The following USP6 variants were observed in gnomAD, a reference collection of about 807,000 sequenced individuals.
USP6 encodes the protein ubiquitin carboxyl-terminal hydrolase 6.
USP6 carries 128 observed loss-of-function variants against 175.7 expected under a neutral mutation model. That is an observed-to-expected ratio of 0.73 (90% confidence interval 0.63 to 0.84). The LOEUF (loss-of-function observed/expected upper bound fraction) is 0.84, where lower values mean the gene tolerates loss of function less well. Among genes scored for constraint, USP6 ranks in the 40% least tolerant of loss-of-function variants. The pLI, the probability that USP6 is intolerant of heterozygous loss-of-function variation, is 0.00. For synonymous variants in USP6, 562 were observed against 630.6 expected (o/e 0.89, Z 1.63); for missense variants, 1,498 against 1,760.3 (o/e 0.85, Z 2.67).
In USP6 at chr17:5,147,100, C is replaced by T. The variant is rs2073634261; in HGVS notation, c.2337C>T (p.Asn779=). The T allele has an allele frequency of 6.2e-7, 1 of 1,612,676 alleles. No individual in the cohort carries two copies. Among genetic ancestry groups the T allele is most frequent in the South Asian group, 1.1e-5 (1 of 90,712 alleles). The change falls in exon 29 of 38, where the codon AAC becomes AAT. Residue 779 remains asparagine (N), a synonymous_variant. Coordinates refer to ENST00000574788, the MANE Select transcript of USP6 (RefSeq NM_001304284.2). ...DSNIKNFPQD[N]QKVQLSVSGF... is the part of the protein sequence containing the mutation. ...TTCTGTAGAACTTTCCTCAGGATAA[C>T]CAAAAAGTACAACTCTCAGTGAGCG... is the stretch of plus-strand genomic sequence containing the variant.
At chr17:5,144,242 A>C (rs2073541684) in intron 25 of USP6, among the ~76,000 whole-genome samples, 1 of 151,942 alleles carries the variant, frequency 6.6e-6, no homozygotes, top group Non-Finnish European at 1.5e-5. Context: ...TAATATATAC[A>C]CATATTATTT....
chr17:5,140,653 G>C (rs1384549462), intron 22 of USP6, among the ~76,000 whole-genome samples: 1 of 152,146 alleles, frequency 6.6e-6, no homozygotes, highest in African/African-American at 2.4e-5. Context: ...AGGTTATTAA[G>C]GCTATAATTG....
chr17:5,126,146 T>G (rs550631144), intron 6 of USP6, among the ~76,000 whole-genome samples: 1 of 152,286 alleles, frequency 6.6e-6, no homozygotes, highest in Admixed American at 6.5e-5. Context: ...CGCAAGTGCC[T>G]TCTCCGTAGA....
chr17:5,127,493 C>T lies in USP6; in HGVS notation c.-473-11C>T, dbSNP rs1388670826. ...CGTGAACTTGTCTTGTTTCTTGTCT[C>T]TTCTTGCTAGGGCTGTCATTGGGAC... is the stretch of plus-strand genomic sequence containing the variant. On this transcript the variant is annotated splice_polypyrimidine_tract_variant and intron_variant, in intron 6 of 37. Transcript: ENST00000574788. 1 of 152,262 alleles carries T rather than the reference C, an allele frequency of 6.6e-6. No homozygotes were observed. Among genetic ancestry groups the T allele is most frequent in the Non-Finnish European group, 1.5e-5 (1 of 68,064 alleles). 9.4% of individuals were successfully genotyped at this position (152,262 alleles called of 1,614,324 possible).
chr17:5,138,003 C>T (rs774055215), intron 20 of USP6, 118 bp from the exon 21 acceptor site: 187 of 1,569,974 alleles, frequency 1.2e-4, no homozygotes, highest in Non-Finnish European at 1.5e-4. Flanking sequence ...CATCTGGATG[C>T]CTGGGGTGGC....
intron 20 of USP6, 71 bp downstream of exon 20, chr17:5,137,821 T>G: frequency 6.3e-7 from 1 of 1,596,456 alleles, no homozygotes; most frequent in East Asian, 2.3e-5. Context: ...AAGGGCAGCT[T>G]CCTCACACTG....
chr17:5,144,931 C>A lies in USP6; in HGVS notation c.1992+68C>A, dbSNP rs939702185. The A allele has an allele frequency of 5.4e-5, 81 of 1,495,472 alleles. No homozygotes were observed. In the African/African-American group the frequency reaches 1.0e-3, roughly 19 times the overall value. 92.6% of individuals were successfully genotyped at this position (1,495,472 alleles called of 1,614,324 possible). ...GTTCTGACCACAAATACATGTAGCACAACTTAAATGCAAACTAAACTATTC... is the reference window on the plus strand; with the variant it reads ...GTTCTGACCACAAATACATGTAGCAAAACTTAAATGCAAACTAAACTATTC... On this transcript the variant is annotated intron_variant, in intron 26 of 37. Coordinates refer to ENST00000574788, the MANE Select transcript of USP6 (RefSeq NM_001304284.2).
At chr17:5,139,710 G>A in intron 22 of USP6, 36 bp downstream of exon 22, 1 of 1,600,592 alleles carries the variant, frequency 6.2e-7, no homozygotes, top group Non-Finnish European at 8.5e-7. Context: ...GCCACAATGT[G>A]GGCATGGACT....
chr17:5,132,804 C>G lies in USP6; in HGVS notation c.196-106C>G, dbSNP rs559761173. The G allele has an allele frequency of 2.9e-6, 4 of 1,379,042 alleles. No homozygotes were observed. The highest frequency in any genetic ancestry group is 4.6e-5 in the East Asian group (2 of 43,680). 85.4% of individuals were successfully genotyped at this position (1,379,042 alleles called of 1,614,324 possible). On this transcript the variant is annotated intron_variant, in intron 12 of 37. Coordinates refer to ENST00000574788, the MANE Select transcript of USP6 (RefSeq NM_001304284.2). The surrounding 1 kb of genome is among the most constrained non-coding windows in gnomAD (Gnocchi z 4.7). ...CTTAGGGTCTGCCCTTCCCTGGCTC[C>G]TTCCAGTTGGGTCCCACCAGGGCTC...
chr17:5,167,048 CAG>C (rs2074109947), intron 33 of USP6, among the ~76,000 whole-genome samples: 1 of 152,208 alleles, frequency 6.6e-6, no homozygotes. Context: ...AGGGAGGAGA[CAG>C]ATAATTATAG....
Position 5,143,754 on chromosome 17 carries a change from A to C in USP6, c.1819-936A>C, listed in dbSNP as rs1462283709. ...AGAAACACCCAAGAATGATCAATAA[A>C]AAAAAAAAAAAAAAATTTGGTAGGC... On this transcript the variant is annotated intron_variant, in intron 25 of 37. Coordinates refer to ENST00000574788, the MANE Select transcript of USP6 (RefSeq NM_001304284.2). 2.6e-5 allele frequency among the ~76,000 whole-genome samples: 4 copies of C among 151,330 alleles called. No individual in the cohort carries two copies. In the South Asian group the frequency reaches 8.4e-4, roughly 32 times the overall value.
chr17:5,156,055 G>T (rs1485094755), intron 31 of USP6, among the ~76,000 whole-genome samples: 3 of 152,138 alleles, frequency 2.0e-5, no homozygotes, highest in Non-Finnish European at 4.4e-5. Flanking sequence ...AAAGTCTCAT[G>T]ATACAAAAAA....
At chr17:5,163,393 C>T (rs2074042199) in intron 33 of USP6, among the ~76,000 whole-genome samples, 1 of 152,146 alleles carries the variant, frequency 6.6e-6, no homozygotes, top group African/African-American at 2.4e-5. Flanking sequence ...CAGACACAGG[C>T]AAGAGGGAGG....
chr17:5,139,448 G>T lies in USP6; in HGVS notation c.1272G>T (p.Thr424=). ...CTGGTGGGGCTGTCCGGGAAGACACGTACCCTGTGGGCACTCAGGGTGTGC... is the reference window on the plus strand; with the variant it reads ...CTGGTGGGGCTGTCCGGGAAGACACTTACCCTGTGGGCACTCAGGGTGTGC... ...PCPGGAVRED[T]YPVGTQGVPS... The change falls in exon 22 of 38, where the codon ACG becomes ACT. Residue 424 remains threonine, a synonymous_variant. Coordinates refer to ENST00000574788, the MANE Select transcript of USP6 (RefSeq NM_001304284.2). 4 of 1,613,094 alleles carry T rather than the reference G, an allele frequency of 2.5e-6. No individual in the cohort carries two copies. The highest frequency in any genetic ancestry group is 3.4e-6 in the Non-Finnish European group (4 of 1,180,018).
In USP6 at chr17:5,134,059, C is replaced by A. The variant is rs552367723; in HGVS notation, c.494+63C>A. The A allele has an allele frequency of 2.8e-5, 44 of 1,548,314 alleles. 1 individual carries two copies. Among genetic ancestry groups the A allele is most frequent in the Admixed American group, 2.4e-4 (14 of 59,490 alleles). On this transcript the variant is annotated intron_variant, in intron 15 of 37. Transcript: ENST00000574788. ...GGGTGAACGAGAGGGATGGGGACTT[C>A]CCCGGAGCAGAAGCCAGGGTCACCC... is the stretch of plus-strand genomic sequence containing the variant.
rs757946698 is a variant in USP6 at position 5,173,903 on chromosome 17, ATTC to A, written c.*928_*930del. On this transcript the variant is annotated 3_prime_UTR_variant, in exon 38 of 38. Transcript: ENST00000574788. Reference sequence around the variant, plus strand: ...AGATCACGTTTCACAATTAGTGGTTATTCTTTTCTGTGTTTGTTTTGCACTTTA... The same window carrying A: ...AGATCACGTTTCACAATTAGTGGTTATTTTCTGTGTTTGTTTTGCACTTTA... The A allele has an allele frequency of 2.2e-4, 48 of 222,096 alleles. 1 individual carries two copies. Among genetic ancestry groups the A allele is most frequent in the African/African-American group, 1.1e-4 (5 of 44,824 alleles). 13.8% of individuals were successfully genotyped at this position (222,096 alleles called of 1,614,324 possible).
intron 31 of USP6, among the ~76,000 whole-genome samples, chr17:5,160,429 T>C (rs751497972): frequency 3.2e-4 from 48 of 152,168 alleles, no homozygotes; most frequent in Non-Finnish European, 5.6e-4. Flanking sequence ...CAAGTAGGAA[T>C]TGTATATACA....
At chr17:5,153,576 G>A (rs1424404243) in intron 30 of USP6, among the ~76,000 whole-genome samples, 2 of 152,144 alleles carry the variant, frequency 1.3e-5, no homozygotes, top group Non-Finnish European at 2.9e-5. Flanking sequence ...ATGAGCCACC[G>A]CATCCAGCCA....
intron 25 of USP6, among the ~76,000 whole-genome samples, chr17:5,144,341 A>C (rs1158320811): frequency 6.6e-6 from 1 of 152,216 alleles, no homozygotes; most frequent in Non-Finnish European, 1.5e-5. Flanking sequence ...TTTTATATGC[A>C]TATAAAAATG....
Sources: allele counts gnomAD v4.1 joint callset (sites outside exome capture counted in the v4.1 genomes callset), GRCh38; gene constraint gnomAD v4.1.1; non-coding constraint Gnocchi (gnomAD v3.1); transcripts MANE v1.5; gene names NCBI Gene and HGNC (gene_info 2026-07-23, HGNC 2026-07-21).